RAPGEF2: variants seen among roughly 807,000 people sequenced by gnomAD.
RAPGEF2 encodes PDZ domain containing guanine nucleotide exchange factor (GEF) 1.
Under a neutral mutation model 186.7 loss-of-function variants are expected in RAPGEF2, and 54 were observed. That is an observed-to-expected ratio of 0.29 (90% CI 0.23 to 0.36). The LOEUF (loss-of-function observed/expected upper bound fraction) is 0.36, where lower values mean the gene tolerates loss of function less well. Ranked by LOEUF, RAPGEF2 falls within the 10% of genes least tolerant of loss-of-function variation. RAPGEF2 has a pLI of 1.00. For missense variants in RAPGEF2, 1,532 were observed against 2,045.0 expected (o/e 0.75, Z 4.84); for synonymous variants, 712 against 705.9 (o/e 1.01, Z -0.14).
intron 4 of RAPGEF2, among the ~76,000 whole-genome samples, chr4:159,232,095 A>G (rs986169918): frequency 6.6e-6 from 1 of 152,064 alleles, no homozygotes; most frequent in Non-Finnish European, 1.5e-5. Flanking sequence ...TTTCTTTTCT[A>G]AGCTTTTTTT....
Position 159,304,372 on chromosome 4 carries a change from A to G in RAPGEF2, c.574A>G (p.Thr192Ala). 6.2e-7 allele frequency: 1 copy of G among 1,605,702 alleles called. No homozygotes were observed. The highest frequency in any genetic ancestry group is 8.5e-7 in the Non-Finnish European group (1 of 1,173,048). ...TGCAGATTTCACAAAACTGCATCTT[A>G]CTGACAGTCTCCACCCACAGGTGAC... ...LPADFTKLHL[T>A]DSLHPQVTHV... Residue 192 changes from threonine to alanine, a missense_variant, in exon 8 of 30, where the codon ACT (threonine) becomes GCT (alanine). Transcript: ENST00000691494.
intron 22 of RAPGEF2, 107 bp from the exon 23 acceptor site, chr4:159,343,929 C>A: frequency 2.6e-6 from 3 of 1,150,712 alleles, no homozygotes; most frequent in Non-Finnish European, 3.9e-6. Context: ...TGTTTGTGGG[C>A]TTCTAGAACT....
intron 7 of RAPGEF2, chr4:159,282,740 A>C (rs1759894040): frequency 2.6e-6 from 1 of 383,012 alleles, no homozygotes; most frequent in Non-Finnish European, 5.1e-6. Context: ...AACTTAATAT[A>C]GATTATAGAA....
chr4:159,295,535 G>A (rs551727277), intron 7 of RAPGEF2, among the ~76,000 whole-genome samples: 5 of 152,138 alleles, frequency 3.3e-5, no homozygotes, highest in Middle Eastern at 3.4e-3. Context: ...AACTACCTCC[G>A]TGTTTCTATG....
intron 1 of RAPGEF2, among the ~76,000 whole-genome samples, chr4:159,149,015 A>G (rs1211698425): frequency 6.6e-6 from 1 of 152,186 alleles, no homozygotes; most frequent in Non-Finnish European, 1.5e-5. Flanking sequence ...TCTAATCTGC[A>G]TCTTGCCTCT....
intron 1 of RAPGEF2, among the ~76,000 whole-genome samples, chr4:159,174,083 CTTATTTG>C (rs1175247648): frequency 6.6e-6 from 1 of 152,170 alleles, no homozygotes; most frequent in Non-Finnish European, 1.5e-5. Context: ...TTTCTCTTTT[CTTATTTG>C]TTAACAAAAT....
At chr4:159,136,004 A>C (rs1388495795) in intron 1 of RAPGEF2, among the ~76,000 whole-genome samples, 1 of 152,104 alleles carries the variant, frequency 6.6e-6, no homozygotes, top group East Asian at 1.9e-4. Context: ...TGCTGTTAAT[A>C]ATTTAAGTAC....
At chr4:159,129,291 T>G (rs1049377403) in intron 1 of RAPGEF2, among the ~76,000 whole-genome samples, 3 of 152,188 alleles carry the variant, frequency 2.0e-5, no homozygotes, top group Non-Finnish European at 4.4e-5. Flanking sequence ...TCTTAAGAGT[T>G]ACTTTGATAA....
At chr4:159,154,278 A>G (rs1186772866) in intron 1 of RAPGEF2, among the ~76,000 whole-genome samples, 3 of 152,220 alleles carry the variant, frequency 2.0e-5, no homozygotes, top group Non-Finnish European at 1.5e-5. Context: ...TGAAATGGCA[A>G]GAAAACTTAC....
At chr4:159,121,375 C>T (rs564545968) in intron 1 of RAPGEF2, among the ~76,000 whole-genome samples, 5 of 150,824 alleles carry the variant, frequency 3.3e-5, no homozygotes, top group Non-Finnish European at 5.9e-5. Context: ...TTTTCCTTTC[C>T]TTTCTGAGAT....
At chr4:159,165,878 C>A (rs1010344417) in intron 1 of RAPGEF2, among the ~76,000 whole-genome samples, 1 of 152,108 alleles carries the variant, frequency 6.6e-6, no homozygotes, top group African/African-American at 2.4e-5. Flanking sequence ...CAGGCATGAA[C>A]CACTGTGCCT....
At chr4:159,135,668 C>T (rs954733217) in intron 1 of RAPGEF2, among the ~76,000 whole-genome samples, 3 of 152,054 alleles carry the variant, frequency 2.0e-5, no homozygotes, top group South Asian at 4.1e-4. Context: ...GGCATGATCT[C>T]GGCTCACTGC....
At chr4:159,223,723 C>T (rs1198353197) in intron 4 of RAPGEF2, among the ~76,000 whole-genome samples, 2 of 152,148 alleles carry the variant, frequency 1.3e-5, no homozygotes, top group Non-Finnish European at 2.9e-5. Flanking sequence ...TCTCTTCTTG[C>T]CATGATGGAT....
intron 10 of RAPGEF2, 138 bp downstream of exon 10, chr4:159,322,621 A>AC: frequency 1.5e-6 from 1 of 669,656 alleles, no homozygotes; most frequent in Non-Finnish European, 2.6e-6. Flanking sequence ...GAATTATGGT[A>AC]CACCTGTTAT....
At chr4:159,109,606 T>C (rs1366611404) in intron 1 of RAPGEF2, among the ~76,000 whole-genome samples, 1 of 152,226 alleles carries the variant, frequency 6.6e-6, no homozygotes, top group East Asian at 1.9e-4. Flanking sequence ...ATGAAATGTG[T>C]GTCCCTCAAG....
intron 10 of RAPGEF2, 73 bp from the exon 11 acceptor site, chr4:159,323,386 G>T: frequency 2.4e-6 from 3 of 1,229,694 alleles, no homozygotes; most frequent in South Asian, 1.9e-5. Flanking sequence ...TTCATTTTTA[G>T]GGACCATACT....
intron 19 of RAPGEF2, 35 bp downstream of exon 19, chr4:159,339,389 C>A: frequency 6.3e-7 from 1 of 1,589,854 alleles, no homozygotes; most frequent in South Asian, 1.1e-5. Context: ...TTTCTTTGTC[C>A]CCTCTTCGAA....
intron 8 of RAPGEF2, among the ~76,000 whole-genome samples, chr4:159,311,413 C>G (rs979157650): frequency 6.6e-6 from 1 of 152,102 alleles, no homozygotes; most frequent in African/African-American, 2.4e-5. Context: ...GTGCAGCGTT[C>G]ATTGCTGCTA....
Position 159,104,211 on chromosome 4 carries a change from C to A in RAPGEF2, c.49C>A (p.Pro17Thr), listed in dbSNP as rs1373013225. 7 of 1,202,374 alleles carry A rather than the reference C, an allele frequency of 5.8e-6. No individual in the cohort carries two copies. The highest frequency in any genetic ancestry group is 1.6e-4 in the East Asian group (2 of 12,776). The allele number at this position is 1,202,374 out of a possible 1,614,324, so 74.5% of individuals were successfully genotyped here. The change falls in exon 1 of 30, where the codon CCC becomes ACC. Residue 17 changes from proline to threonine, a missense_variant. Physicochemically the swap from Pro to Thr is conservative, Grantham distance 38. Transcript: ENST00000691494. ...NSFRQAVMKN[P>T]PERTPQDLEI... The stretch of plus-strand genomic sequence containing the variant: ...CTTCCGCCAGGCGGTGATGAAGAAT[C>A]CCCCCGAAAGGACCCCCCAGGTGAG...
Sources: allele counts gnomAD v4.1 joint callset (sites outside exome capture counted in the v4.1 genomes callset), GRCh38; gene constraint gnomAD v4.1.1; transcripts MANE v1.5; gene names NCBI Gene and HGNC (gene_info 2026-07-23, HGNC 2026-07-21).